Variants in CNBD1 observed in about 807,000 individuals in gnomAD.
CNBD1 encodes the protein cyclic nucleotide-binding domain-containing protein 1.
In CNBD1, 71 loss-of-function variants were observed where a neutral mutation model predicts 54.4. The observed-to-expected ratio is 1.30, with a 90% CI of 1.08 to 1.59. CNBD1 has a LOEUF of 1.59. Among genes scored for constraint, CNBD1 ranks in the 40% most tolerant of loss-of-function variants. CNBD1 has a pLI of 0.00. For missense variants in CNBD1, 659 were observed against 518.0 expected, an observed-to-expected ratio of 1.27 and a Z score of -2.64; for synonymous variants, 182 against 170.7, an observed-to-expected ratio of 1.07 and a Z score of -0.51.
Position 87,421,888 on chromosome 8 carries a change from C to G in CNBD1, c.214-6658C>G, listed in dbSNP as rs1203507022. On this transcript the variant is annotated intron_variant, in intron 2 of 7. Transcript: ENST00000521593. The stretch of plus-strand genomic sequence containing the variant: ...ATGGTTGAACTAGTTTACAGTCCCA[C>G]CAACAGTGTAAAAGTGTTCCTATTT... Among the ~76,000 whole-genome samples, 3 of 145,124 alleles carry G rather than the reference C, an allele frequency of 2.1e-5. No homozygotes were observed. In the South Asian group the frequency reaches 6.7e-4, roughly 32 times the overall value.
At chr8:87,316,557 A>G (rs924733046) in intron 8 of CNBD1, among the ~76,000 whole-genome samples, 1 of 152,032 alleles carries the variant, frequency 6.6e-6, no homozygotes, top group African/African-American at 2.4e-5. Context: ...AGTTTATACT[A>G]CCAATATAAA....
intron 6 of CNBD1, among the ~76,000 whole-genome samples, chr8:87,263,352 G>A (rs1208705078): frequency 6.6e-6 from 1 of 151,350 alleles, no homozygotes; most frequent in African/African-American, 2.4e-5. Context: ...AATTGTTTTT[G>A]CCCACCTTTA....
chr8:86,996,623 A>T (rs568903950), intron 4 of CNBD1, among the ~76,000 whole-genome samples: 1 of 152,214 alleles, frequency 6.6e-6, no homozygotes, highest in Non-Finnish European at 1.5e-5. Flanking sequence ...GGGCAGAAAG[A>T]AGTGTTCTGT....
Position 87,161,872 on chromosome 8 carries a change from A to C in CNBD1, c.432-44121A>C, listed in dbSNP as rs143221400. ...AACATGGTAAAGCTCTTGAACAAAAAAGGTCTTTCTAAAACACAATCTTAG... is the reference window on the plus strand; with the variant it reads ...AACATGGTAAAGCTCTTGAACAAAACAGGTCTTTCTAAAACACAATCTTAG... On this transcript the variant is annotated intron_variant, in intron 4 of 10. Transcript: ENST00000518476. Among the ~76,000 whole-genome samples, 447 of 152,276 alleles carry C rather than the reference A, an allele frequency of 2.9e-3. 4 individuals carry two copies. The highest frequency in any genetic ancestry group is 0.01 in the African/African-American group (424 of 41,584).
intron 4 of CNBD1, among the ~76,000 whole-genome samples, chr8:87,044,966 A>T (rs547140799): frequency 2.0e-5 from 3 of 152,174 alleles, no homozygotes; most frequent in South Asian, 4.2e-4. Context: ...TTGTCTGCCT[A>T]ACTGATTTTT....
At chr8:87,367,009 G>A (rs773013675) in intron 10 of CNBD1, among the ~76,000 whole-genome samples, 3 of 151,922 alleles carry the variant, frequency 2.0e-5, no homozygotes, top group African/African-American at 7.2e-5. Flanking sequence ...TTTCCTCCCT[G>A]GGAATCCAGA....
chr8:87,037,675 T>C (rs1341937120), intron 4 of CNBD1, among the ~76,000 whole-genome samples: 1 of 152,210 alleles, frequency 6.6e-6, no homozygotes, highest in African/African-American at 2.4e-5. Context: ...CTTTTATTAT[T>C]TTAAGAATTT....
At chr8:86,905,567 T>A (rs1809005133) in intron 3 of CNBD1, among the ~76,000 whole-genome samples, 1 of 152,158 alleles carries the variant, frequency 6.6e-6, no homozygotes, top group African/African-American at 2.4e-5. Flanking sequence ...GTGTCATGTA[T>A]CAAGGTATAA....
At chr8:87,203,023 A>G (rs749505072) in intron 4 of CNBD1, among the ~76,000 whole-genome samples, 17 of 152,178 alleles carry the variant, frequency 1.1e-4, no homozygotes, top group Non-Finnish European at 1.9e-4. Context: ...CAAACATACA[A>G]TTCAAGGCCA....
rs1810409401 is a variant in CNBD1 at position 87,355,862 on chromosome 8, TG to T, written c.1303+2079del. Among the ~76,000 whole-genome samples, 5 of 152,264 alleles carry T rather than the reference TG, an allele frequency of 3.3e-5. No individual in the cohort carries two copies. In the South Asian group the frequency reaches 1.0e-3, roughly 32 times the overall value. On this transcript the variant is annotated intron_variant, in intron 10 of 10. Transcript: ENST00000518476. ...CCTCAATGTTGGAGCTGCAGCCTAA[TG>T]GGAGGTTTTTGGGTCAAGGAGATGG...
At chr8:87,006,472 G>C (rs182414686) in intron 4 of CNBD1, among the ~76,000 whole-genome samples, 4 of 152,268 alleles carry the variant, frequency 2.6e-5, no homozygotes, top group African/African-American at 9.6e-5. Context: ...AGTTCTGCAG[G>C]CTATACAGGA....
chr8:87,424,291 T>C (rs1028391528), intron 2 of CNBD1, among the ~76,000 whole-genome samples: 1 of 152,044 alleles, frequency 6.6e-6, no homozygotes, highest in African/African-American at 2.4e-5. Flanking sequence ...TCTGCTCTGA[T>C]TTTAGTTACT....
intron 2 of CNBD1, among the ~76,000 whole-genome samples, chr8:87,404,649 T>C (rs79689795): frequency 0.012 from 1,776 of 152,230 alleles, 17 homozygotes; most frequent in Middle Eastern, 0.02. Flanking sequence ...GGATCTGTAG[T>C]ACCCACAGTG....
intron 4 of CNBD1, among the ~76,000 whole-genome samples, chr8:86,991,809 T>C (rs6468611): frequency 0.95 from 143,888 of 152,168 alleles, 68,133 homozygotes; most frequent in East Asian, 1. Flanking sequence ...AAGTTCCATG[T>C]ATTTGTGTAG....
At chr8:86,989,304 A>C (rs113654011) in intron 4 of CNBD1, among the ~76,000 whole-genome samples, 2,196 of 149,260 alleles carry the variant, frequency 0.015, 49 homozygotes, top group African/African-American at 0.045. Context: ...AAAACAAATA[A>C]ATACATACAT....
intron 8 of CNBD1, among the ~76,000 whole-genome samples, chr8:87,347,569 G>C (rs1307631484): frequency 6.6e-6 from 1 of 151,596 alleles, no homozygotes; most frequent in South Asian, 2.1e-4. Context: ...CAACAGAGAA[G>C]GATGAAAAGC....
intron 4 of CNBD1, among the ~76,000 whole-genome samples, chr8:87,140,260 A>G (rs961507778): frequency 6.6e-6 from 1 of 152,088 alleles, no homozygotes. Flanking sequence ...CTTGTACAAT[A>G]TAGCTCACCT....
At position 86,937,773 on chromosome 8, in the gene CNBD1, G is replaced by T. The variant is rs190839648; in HGVS notation, c.273-1823G>T. ...GGCCCTGTGGCTTGTGATGGTGGGGGCTGCCATGAAGATCTCTGACATGGC... is the reference window on the plus strand; with the variant it reads ...GGCCCTGTGGCTTGTGATGGTGGGGTCTGCCATGAAGATCTCTGACATGGC... On this transcript the variant is annotated intron_variant, in intron 3 of 10. Transcript: ENST00000518476. Among the ~76,000 whole-genome samples the T allele has an allele frequency of 9.2e-5, 14 of 152,252 alleles. No homozygotes were observed. The East Asian group carries it at 2.7e-3, about 29-fold the overall frequency.
intron 8 of CNBD1, among the ~76,000 whole-genome samples, chr8:87,295,123 A>G (rs999439564): frequency 6.6e-6 from 1 of 151,912 alleles, no homozygotes; most frequent in African/African-American, 2.4e-5. Context: ...CAGTCTCTGA[A>G]AAGAGCTTCT....
Sources: allele counts gnomAD v4.1 joint callset (sites outside exome capture counted in the v4.1 genomes callset), GRCh38; gene constraint gnomAD v4.1.1; transcripts MANE v1.5; gene names NCBI Gene and HGNC (gene_info 2026-07-23, HGNC 2026-07-21).